Variants in MTMR10 observed in about 807,000 individuals in gnomAD.
The protein encoded by MTMR10 is myotubularin-related protein 10.
MTMR10 carries 56 observed loss-of-function variants against 88.1 expected under a neutral mutation model. The observed-to-expected ratio is 0.64, with a 90% CI of 0.51 to 0.79. The LOEUF (loss-of-function observed/expected upper bound fraction) is 0.79. Among genes scored for constraint, MTMR10 ranks in the 30% least tolerant of loss-of-function variants. The probability of loss-of-function intolerance (pLI) is 0.00; values close to 1 mark genes in which losing one functional copy is unlikely to be tolerated. For missense variants in MTMR10, 883 were observed against 924.7 expected (o/e 0.95, Z 0.58); for synonymous variants, 380 against 340.9 (o/e 1.11, Z -1.26).
Position 30,941,750 on chromosome 15 carries a change from A to T in MTMR10, c.2054T>A (p.Leu685Gln). The change falls in exon 16 of 16, where the codon CTG becomes CAG. Residue 685 changes from leucine to glutamine, a missense_variant. Coordinates refer to ENST00000435680, the MANE Select transcript of MTMR10 (RefSeq NM_017762.3). ...GCTCAGTACGTCGACTTCATCAGCC[A>T]GGAGGGAGAGCTTGTGAAAGGCTGT... Reference protein sequence around the residue: ...SITAFHKLSLLADEVDVLSRM... With the variant: ...SITAFHKLSLQADEVDVLSRM... 1 of 1,613,996 alleles carries T rather than the reference A, an allele frequency of 6.2e-7. No homozygotes were observed. The highest frequency in any genetic ancestry group is 8.5e-7 in the Non-Finnish European group (1 of 1,179,884).
At chr15:30,938,321 A>G (rs1368657154), downstream of MTMR10, among the ~76,000 whole-genome samples, 7 of 152,220 alleles carry the variant, frequency 4.6e-5, no homozygotes, top group African/African-American at 2.4e-5. Context: ...ATGATTATCT[A>G]AGAAGGGCTG....
Position 30,942,028 on chromosome 15 carries a change from C to A in MTMR10, c.1776G>T (p.Lys592Asn). 1 of 1,613,972 alleles carries A rather than the reference C, an allele frequency of 6.2e-7. No homozygotes were observed. The highest frequency in any genetic ancestry group is 8.5e-7 in the Non-Finnish European group (1 of 1,179,864). ...STLRGMPSALKNGIISDQELL... is the reference protein window; with the variant it reads ...STLRGMPSALNNGIISDQELL... ...ATTCTTGGTCACTGATGATTCCATT[C>A]TTTAAGGCAGACGGCATTCCTCTTA... Residue 592 changes from lysine to asparagine, a missense_variant, in exon 16 of 16, where the codon AAG (lysine) becomes AAT (asparagine). Coordinates refer to ENST00000435680, the MANE Select transcript of MTMR10 (RefSeq NM_017762.3).
chr15:30,925,182 G>A, the MTMR10 span: 7 of 1,613,998 alleles, frequency 4.3e-6, no homozygotes, highest in Admixed American at 1.7e-5. Context: ...ACGGGACACC[G>A]CCTTTCACTG....
chr15:30,920,572 G>A, the MTMR10 span: 3 of 1,611,192 alleles, frequency 1.9e-6, no homozygotes, highest in African/African-American at 2.7e-5. Context: ...CACTCTTCCT[G>A]CGGTGTTTCA....
intron 14 of MTMR10, chr15:30,946,565 G>T (rs918245384): frequency 9.8e-5 from 58 of 591,982 alleles, no homozygotes; most frequent in Non-Finnish European, 9.0e-6. Context: ...CACAAGAGCT[G>T]CCCCTTTCTG....
intron 12 of MTMR10, among the ~76,000 whole-genome samples, chr15:30,951,679 T>C (rs371539294): frequency 5.3e-5 from 8 of 152,164 alleles, no homozygotes; most frequent in East Asian, 3.8e-4. Context: ...TTTGTATTTT[T>C]AGTAGAGACA....
intron 11 of MTMR10, among the ~76,000 whole-genome samples, chr15:30,953,112 G>A (rs2063273788): frequency 6.6e-6 from 1 of 152,086 alleles, no homozygotes; most frequent in East Asian, 1.9e-4. Context: ...TTTTCATCAG[G>A]GAAATTCATA....
downstream of MTMR10, among the ~76,000 whole-genome samples, chr15:30,936,344 G>A (rs993646905): frequency 6.6e-6 from 1 of 152,190 alleles, no homozygotes; most frequent in African/African-American, 2.4e-5. Context: ...CAGGCAGCGG[G>A]AACAGCAAGT....
At chr15:30,927,332 A>C in the MTMR10 span, 1 of 985,534 alleles carries the variant, frequency 1.0e-6, no homozygotes, top group South Asian at 4.7e-5. Flanking sequence ...CCTGGCTGGG[A>C]AAGAGCATGA....
chr15:30,974,521 T>C lies in MTMR10; in HGVS notation c.332-65A>G, dbSNP rs2029968088. ...CAGTTATTTGTTACTCACCCTTTAATACAAATTCTTAGTGAAAATAATTGG... is the reference window on the plus strand; with the variant it reads ...CAGTTATTTGTTACTCACCCTTTAACACAAATTCTTAGTGAAAATAATTGG... On this transcript the variant is annotated intron_variant, in intron 4 of 15. Coordinates refer to ENST00000435680, the MANE Select transcript of MTMR10 (RefSeq NM_017762.3). 8.3e-6 allele frequency: 11 copies of C among 1,317,532 alleles called. No homozygotes were observed. The South Asian group carries it at 1.2e-4, about 14-fold the overall frequency. The allele number at this position is 1,317,532 out of a possible 1,614,324, so 81.6% of individuals were successfully genotyped here. A position where few individuals can be genotyped will look rare whatever the true frequency, so the allele number is the denominator to read the frequency against.
intron 6 of MTMR10, among the ~76,000 whole-genome samples, chr15:30,962,062 T>C (rs1254531847): frequency 6.6e-6 from 1 of 152,234 alleles, no homozygotes; most frequent in Non-Finnish European, 1.5e-5. Context: ...CTGTATCTAC[T>C]CGATTTTCCT....
chr15:30,921,474 A>G, the MTMR10 span, among the ~76,000 whole-genome samples: 37 of 152,220 alleles, frequency 2.4e-4, no homozygotes, highest in Non-Finnish European at 3.1e-4. Context: ...TGATATTTCT[A>G]TATTGAAAAT....
At chr15:30,924,497 T>G in the MTMR10 span, among the ~76,000 whole-genome samples, 1 of 152,212 alleles carries the variant, frequency 6.6e-6, no homozygotes, top group East Asian at 1.9e-4. Flanking sequence ...TCAATGCTTA[T>G]TTTCCATGTT....
At chr15:30,946,260 G>A (rs1416687334) in intron 14 of MTMR10, 2 of 153,626 alleles carry the variant, frequency 1.3e-5, no homozygotes, top group African/African-American at 4.8e-5. Context: ...TAATTCATAT[G>A]TCTTTAGGAA....
At chr15:30,981,270 G>C (rs1344450593) in intron 2 of MTMR10, among the ~76,000 whole-genome samples, 1 of 152,222 alleles carries the variant, frequency 6.6e-6, no homozygotes, top group African/African-American at 2.4e-5. Context: ...CCTTGAATGT[G>C]GGCTGCACTT....
intron 2 of MTMR10, among the ~76,000 whole-genome samples, chr15:30,982,275 G>A (rs2030632665): frequency 1.3e-5 from 2 of 152,204 alleles, no homozygotes; most frequent in South Asian, 2.1e-4. Context: ...AGGGAAATAC[G>A]AATAAAACCT....
chr15:30,957,065 G>C (rs1171002128), intron 9 of MTMR10, among the ~76,000 whole-genome samples: 1 of 152,172 alleles, frequency 6.6e-6, no homozygotes, highest in African/African-American at 2.4e-5. Flanking sequence ...TTACGGTACA[G>C]TGGAAAAACC....
intron 2 of MTMR10, among the ~76,000 whole-genome samples, chr15:30,985,347 A>G (rs2030875499): frequency 6.6e-6 from 1 of 152,232 alleles, no homozygotes; most frequent in African/African-American, 2.4e-5. Context: ...ACAAGGACAG[A>G]GCTCTTTTTA....
the MTMR10 span, among the ~76,000 whole-genome samples, chr15:30,923,987 C>T: frequency 3.7e-4 from 57 of 152,186 alleles, no homozygotes; most frequent in Non-Finnish European, 6.8e-4. Context: ...CATTAGGCAA[C>T]TACGCCCCGC....
Sources: gnomAD v4.1 joint callset for allele counts (sites outside exome capture counted in the v4.1 genomes callset) on GRCh38, gnomAD v4.1.1 for gene constraint, MANE v1.5 for transcripts, NCBI Gene and HGNC (gene_info 2026-07-23, HGNC 2026-07-21) for gene names.